The following CACNG2 variants were observed in gnomAD, a reference collection of about 807,000 sequenced individuals.
The protein encoded by CACNG2 is voltage-dependent calcium channel gamma-2 subunit.
In CACNG2, 3 loss-of-function variants were observed where a neutral mutation model predicts 25.9. That is an observed-to-expected ratio of 0.12 (90% CI 0.05 to 0.30). The LOEUF (loss-of-function observed/expected upper bound fraction) is 0.30, where lower values mean the gene tolerates loss of function less well. CACNG2 is among the 10% of genes least tolerant of loss of function. CACNG2 has a pLI of 1.00. For synonymous variants in CACNG2, 167 were observed against 173.3 expected (o/e 0.96, Z 0.29); for missense variants, 341 against 432.5 (o/e 0.79, Z 1.88).
In CACNG2 at chr22:36,560,964, A is replaced by C. The variant is rs2145898950; in HGVS notation, c.*3387T>G. 6.6e-6 allele frequency: 1 copy of C among 151,388 alleles called. No homozygotes were observed. Among genetic ancestry groups the C allele is most frequent in the South Asian group, 2.1e-4 (1 of 4,786 alleles). 9.4% of individuals were successfully genotyped at this position (151,388 alleles called of 1,614,324 possible). A position where few individuals can be genotyped will look rare whatever the true frequency, so the allele number is the denominator to read the frequency against. Reference sequence around the variant, plus strand: ...TTTTCTGTTAACAGTCTGAAAAAAAAAAAAAGGACTCACCAAGAAAATAAA... The same window carrying C: ...TTTTCTGTTAACAGTCTGAAAAAAACAAAAAGGACTCACCAAGAAAATAAA... On this transcript the variant is annotated 3_prime_UTR_variant, in exon 4 of 4. Transcript: ENST00000300105.
At chr22:36,593,013 G>A (rs937807965) in intron 1 of CACNG2, among the ~76,000 whole-genome samples, 3 of 152,140 alleles carry the variant, frequency 2.0e-5, no homozygotes, top group Admixed American at 6.5e-5. Flanking sequence ...TCCTTGGGGC[G>A]GGCCTTGGAG....
intron 2 of CACNG2, among the ~76,000 whole-genome samples, chr22:36,576,951 G>A (rs1339356047): frequency 6.6e-6 from 1 of 152,148 alleles, no homozygotes; most frequent in Non-Finnish European, 1.5e-5. Flanking sequence ...GAGCTAACTT[G>A]GGGAGTACCA....
chr22:36,693,689 T>C (rs1321322906), intron 1 of CACNG2, among the ~76,000 whole-genome samples: 2 of 152,182 alleles, frequency 1.3e-5, no homozygotes, highest in African/African-American at 2.4e-5. Flanking sequence ...CATGGGACCA[T>C]TGGCATTGCC....
At chr22:36,701,109 G>A (rs887160423) in intron 1 of CACNG2, among the ~76,000 whole-genome samples, 1 of 151,898 alleles carries the variant, frequency 6.6e-6, no homozygotes, top group Non-Finnish European at 1.5e-5. Context: ...ATCCCATGTC[G>A]AGCTTAACAA....
At chr22:36,696,762 T>G (rs1937347851) in intron 1 of CACNG2, among the ~76,000 whole-genome samples, 1 of 152,168 alleles carries the variant, frequency 6.6e-6, no homozygotes, top group Non-Finnish European at 1.5e-5. Context: ...TTGATTGCAA[T>G]TTCAAATAAG....
chr22:36,649,416 C>T (rs1360513923), intron 1 of CACNG2, among the ~76,000 whole-genome samples: 3 of 151,812 alleles, frequency 2.0e-5, no homozygotes, highest in African/African-American at 4.8e-5. Context: ...TTCAGTCTCC[C>T]GAGTAGCTGG....
intron 1 of CACNG2, among the ~76,000 whole-genome samples, chr22:36,602,535 G>A (rs375037650): frequency 1.1e-4 from 16 of 151,984 alleles, no homozygotes; most frequent in Admixed American, 3.9e-4. Context: ...ACAGGCACCC[G>A]CCACCACGCC....
At chr22:36,699,803 G>A (rs1937388201) in intron 1 of CACNG2, among the ~76,000 whole-genome samples, 1 of 152,228 alleles carries the variant, frequency 6.6e-6, no homozygotes, top group African/African-American at 2.4e-5. Context: ...CCCAAGGACT[G>A]TCTACGCCAA....
chr22:36,671,307 A>G (rs1282641210), intron 1 of CACNG2, among the ~76,000 whole-genome samples: 3 of 152,232 alleles, frequency 2.0e-5, no homozygotes, highest in Non-Finnish European at 4.4e-5. Context: ...GTCAGGAATA[A>G]ATAAGTAAAA....
rs1182834407 is a variant in CACNG2, at chr22:36,606,486, A to G, written c.212-18938T>C. ...GACCCCGGGCAGGAGGTTCTAGGTG[A>G]CTGCTGGGCTGCACTGTTACAGCAC... On this transcript the variant is annotated intron_variant, in intron 1 of 3. Transcript: ENST00000300105. The surrounding 1 kb of genome is among the most constrained non-coding windows in gnomAD (Gnocchi z 5.7). 6.6e-6 allele frequency among the ~76,000 whole-genome samples: 1 copy of G among 152,154 alleles called. No individual in the cohort carries two copies. Among genetic ancestry groups the G allele is most frequent in the Admixed American group, 6.5e-5 (1 of 15,274 alleles).
At chr22:36,647,285 C>G (rs1299958256) in intron 1 of CACNG2, among the ~76,000 whole-genome samples, 2 of 152,108 alleles carry the variant, frequency 1.3e-5, no homozygotes, top group Non-Finnish European at 2.9e-5. Context: ...GGCATTGTAG[C>G]CAGAAGGGTT....
At chr22:36,579,497 G>A (rs961123767) in intron 2 of CACNG2, among the ~76,000 whole-genome samples, 1 of 150,414 alleles carries the variant, frequency 6.6e-6, no homozygotes, top group Non-Finnish European at 1.5e-5. Flanking sequence ...CCACTACCGG[G>A]CCCGAGCACC....
In CACNG2 at chr22:36,668,408, A is replaced by C. The variant is rs112222505; in HGVS notation, c.211+33958T>G. On this transcript the variant is annotated intron_variant, in intron 1 of 3. Coordinates refer to ENST00000300105, the MANE Select transcript of CACNG2 (RefSeq NM_006078.5). ...TATTAGGGAGGCCGAGAAGTCCCAC[A>C]GTATGCCATCTGCACGCTTGAGAAC... Among the ~76,000 whole-genome samples, 76 of 152,330 alleles carry C rather than the reference A, an allele frequency of 5.0e-4. 1 individual carries two copies. The highest frequency in any genetic ancestry group is 1.7e-3 in the African/African-American group (71 of 41,586).
Position 36,655,749 on chromosome 22 carries a change from CCTTT to C in CACNG2, c.211+46613_211+46616del, listed in dbSNP as rs768729549. 5.5e-3 allele frequency among the ~76,000 whole-genome samples: 801 copies of C among 144,846 alleles called. 10 individuals carry two copies. Among genetic ancestry groups the C allele is most frequent in the African/African-American group, 0.014 (539 of 37,986 alleles). ...TTTTCTTTCTTTCTCTTCCTTTCTTCCTTTCTTTCTTTCTTTCTCTTTCTTTCCT... is the reference window on the plus strand; with the variant it reads ...TTTTCTTTCTTTCTCTTCCTTTCTTCCTTTCTTTCTTTCTCTTTCTTTCCT... On this transcript the variant is annotated intron_variant, in intron 1 of 3. Coordinates refer to ENST00000300105, the MANE Select transcript of CACNG2 (RefSeq NM_006078.5).
chr22:36,691,035 C>T (rs1830932818), intron 1 of CACNG2, among the ~76,000 whole-genome samples: 2 of 152,196 alleles, frequency 1.3e-5, no homozygotes, highest in African/African-American at 4.8e-5. Context: ...CTAAACACTT[C>T]ATGCTTGTTC....
At chr22:36,679,843 G>A (rs570414319) in intron 1 of CACNG2, among the ~76,000 whole-genome samples, 3 of 152,238 alleles carry the variant, frequency 2.0e-5, no homozygotes, top group African/African-American at 7.2e-5. Context: ...AGTAATACAC[G>A]TTAAAGGTTT....
chr22:36,679,202 CTTT>C (rs1937061146), intron 1 of CACNG2, among the ~76,000 whole-genome samples: 374 of 65,980 alleles, frequency 5.7e-3, no homozygotes, highest in Middle Eastern at 8.5e-3. Flanking sequence ...TCCTTCCTTT[CTTT>C]CTTTCTTTCT....
At chr22:36,584,330 T>G (rs1935466479) in intron 2 of CACNG2, among the ~76,000 whole-genome samples, 1 of 152,214 alleles carries the variant, frequency 6.6e-6, no homozygotes, top group Non-Finnish European at 1.5e-5. Flanking sequence ...GGCGCATGCA[T>G]GTAATCCCAG....
At chr22:36,585,234 C>G (rs1935481429) in intron 2 of CACNG2, 1 of 152,160 alleles carries the variant, frequency 6.6e-6, no homozygotes, top group South Asian at 2.1e-4. Flanking sequence ...GAGTGTGAAC[C>G]AGTGACATTG....
Sources: allele counts gnomAD v4.1 joint callset (sites outside exome capture counted in the v4.1 genomes callset), GRCh38; gene constraint gnomAD v4.1.1; non-coding constraint Gnocchi (gnomAD v3.1); transcripts MANE v1.5; gene names NCBI Gene and HGNC (gene_info 2026-07-23, HGNC 2026-07-21).